Variants in CADPS observed in about 807,000 individuals in gnomAD.
CADPS encodes the protein calcium dependent secretion activator.
Under a neutral mutation model 167.3 loss-of-function variants are expected in CADPS, and 57 were observed. The ratio of observed to expected loss-of-function variants is 0.34; its 90% CI spans 0.28 to 0.42. CADPS has a LOEUF of 0.42. Ranked by LOEUF, CADPS falls within the 20% of genes least tolerant of loss-of-function variation. The pLI is 1.00. For synonymous variants in CADPS, 676 were observed against 635.3 expected, an observed-to-expected ratio of 1.06 and a Z score of -0.96; for missense variants, 1,414 against 1,738.1, an observed-to-expected ratio of 0.81 and a Z score of 3.32.
Position 62,776,558 on chromosome 3 carries a change from G to A in CADPS, c.442-10574C>T, listed in dbSNP as rs538596857. Among the ~76,000 whole-genome samples, 3 of 152,304 alleles carry A rather than the reference G, an allele frequency of 2.0e-5. No homozygotes were observed. The South Asian group carries it at 6.2e-4, about 32-fold the overall frequency. On this transcript the variant is annotated intron_variant, in intron 1 of 29. Coordinates refer to ENST00000383710, the MANE Select transcript of CADPS (RefSeq NM_003716.4). The stretch of plus-strand genomic sequence containing the variant: ...AGTCTCAGCTACTTGGGAGGCTGAG[G>A]CAGGAGAATGGCGTGAACCCGGGAG...
intron 1 of CADPS, among the ~76,000 whole-genome samples, chr3:62,833,025 T>C (rs1347527338): frequency 6.6e-6 from 1 of 152,148 alleles, no homozygotes; most frequent in Non-Finnish European, 1.5e-5. Flanking sequence ...ATGTCTGAAA[T>C]TAGGAAAGGG....
chr3:62,428,879 C>A (rs1575884439), intron 28 of CADPS, among the ~76,000 whole-genome samples: 1 of 152,142 alleles, frequency 6.6e-6, no homozygotes. Context: ...AGAGTAGAAA[C>A]CAGGGATGCT....
At chr3:62,532,284 T>G (rs1379921765) in intron 13 of CADPS, among the ~76,000 whole-genome samples, 4 of 152,212 alleles carry the variant, frequency 2.6e-5, no homozygotes, top group African/African-American at 4.8e-5. Context: ...GTCATGGAAT[T>G]TTATTCCCTT....
intron 2 of CADPS, among the ~76,000 whole-genome samples, chr3:62,754,147 T>C (rs2083332411): frequency 6.6e-6 from 1 of 152,158 alleles, no homozygotes; most frequent in Non-Finnish European, 1.5e-5. Context: ...AGTGTTTCCA[T>C]TTATAAAATG....
intron 1 of CADPS, among the ~76,000 whole-genome samples, chr3:62,797,543 C>T (rs2093502957): frequency 6.6e-6 from 1 of 152,078 alleles, no homozygotes; most frequent in Non-Finnish European, 1.5e-5. Context: ...AGGCCATTAG[C>T]CTTAGCAAAC....
intron 22 of CADPS, among the ~76,000 whole-genome samples, chr3:62,480,687 A>G (rs954509125): frequency 2.0e-5 from 3 of 152,174 alleles, no homozygotes; most frequent in African/African-American, 7.2e-5. Flanking sequence ...TATTCCTTTG[A>G]TAATAACACT....
chr3:62,491,540 C>CACACACACACACACAA (rs1195869577), intron 20 of CADPS, 60 bp from the exon 21 acceptor site: 5 of 1,025,624 alleles, frequency 4.9e-6, no homozygotes, highest in East Asian at 2.7e-5. Flanking sequence ...ACGTACAACA[C>CACACACACACACACAA]ACACACACAC....
chr3:62,533,659 TTTCTC>T (rs1476005129), intron 12 of CADPS, among the ~76,000 whole-genome samples: 2 of 152,308 alleles, frequency 1.3e-5, no homozygotes, highest in East Asian at 3.9e-4. Flanking sequence ...GTCTTCTTGT[TTTCTC>T]TACTCTAGAG....
rs142391834 is a variant in CADPS at position 62,810,193 on chromosome 3, A to AT, written c.442-44210dup. On this transcript the variant is annotated intron_variant, in intron 1 of 29. Transcript: ENST00000383710. ...GCAATGGAGAGTAGTCCTCAAAAGCATGGTTTTGGTACCAGATGGACTTGA... is the reference window on the plus strand; with the variant it reads ...GCAATGGAGAGTAGTCCTCAAAAGCATTGGTTTTGGTACCAGATGGACTTGA... Among the ~76,000 whole-genome samples, 9 of 152,278 alleles carry AT rather than the reference A, an allele frequency of 5.9e-5. No homozygotes were observed. In the East Asian group the frequency reaches 1.5e-3, roughly 26 times the overall value.
intron 1 of CADPS, among the ~76,000 whole-genome samples, chr3:62,853,586 T>C (rs549741218): frequency 1.0e-4 from 15 of 148,756 alleles, no homozygotes; most frequent in African/African-American, 3.7e-4. Context: ...CATCGTGTCA[T>C]TGCACTCCAG....
intron 11 of CADPS, among the ~76,000 whole-genome samples, chr3:62,547,826 C>T (rs907603380): frequency 2.0e-5 from 3 of 152,090 alleles, no homozygotes; most frequent in African/African-American, 7.2e-5. Context: ...TCTTCTTCAG[C>T]AGCTTCCATC....
At chr3:62,689,574 T>G (rs1041372920) in intron 3 of CADPS, among the ~76,000 whole-genome samples, 4 of 152,064 alleles carry the variant, frequency 2.6e-5, no homozygotes, top group African/African-American at 4.8e-5. Context: ...TTTTATACCA[T>G]TCTCTGGAGG....
At chr3:62,721,467 G>A (rs2075817008) in intron 3 of CADPS, among the ~76,000 whole-genome samples, 1 of 152,186 alleles carries the variant, frequency 6.6e-6, no homozygotes, top group Non-Finnish European at 1.5e-5. Context: ...TCTAAGCTGT[G>A]GGTAGGTAAG....
intron 3 of CADPS, among the ~76,000 whole-genome samples, chr3:62,678,032 G>A (rs900340078): frequency 1.3e-5 from 2 of 152,062 alleles, no homozygotes; most frequent in Non-Finnish European, 1.5e-5. Context: ...TATGTTGCAA[G>A]CCTCCTTGTT....
At chr3:62,716,113 G>C (rs1007989085) in intron 3 of CADPS, among the ~76,000 whole-genome samples, 1 of 152,024 alleles carries the variant, frequency 6.6e-6, no homozygotes, top group Admixed American at 6.6e-5. Flanking sequence ...AGGCTGGAAT[G>C]TAGTGGCATG....
At chr3:62,456,928 G>A (rs1373856131) in intron 26 of CADPS, among the ~76,000 whole-genome samples, 3 of 152,124 alleles carry the variant, frequency 2.0e-5, no homozygotes, top group Admixed American at 6.5e-5. Context: ...TCACCAGCAG[G>A]TAGGAGCCAA....
chr3:62,426,473 C>T (rs1271513491), intron 28 of CADPS, among the ~76,000 whole-genome samples: 1 of 152,158 alleles, frequency 6.6e-6, no homozygotes, highest in Non-Finnish European at 1.5e-5. Flanking sequence ...TACACCACTA[C>T]CACTACTGAT....
intron 28 of CADPS, among the ~76,000 whole-genome samples, chr3:62,417,706 G>C (rs534509652): frequency 5.6e-4 from 85 of 152,044 alleles, no homozygotes; most frequent in African/African-American, 1.9e-3. Flanking sequence ...ATGACTCACA[G>C]CTGTAATCCC....
intron 1 of CADPS, among the ~76,000 whole-genome samples, chr3:62,804,697 C>T (rs192957664): frequency 4.7e-4 from 72 of 151,928 alleles, no homozygotes; most frequent in African/African-American, 1.7e-3. Context: ...ATCTATAGCA[C>T]GTATTTGACA....
Sources: gnomAD v4.1 joint callset for allele counts (sites outside exome capture counted in the v4.1 genomes callset) on GRCh38, gnomAD v4.1.1 for gene constraint, MANE v1.5 for transcripts, NCBI Gene and HGNC (gene_info 2026-07-23, HGNC 2026-07-21) for gene names.